Variants in PPP1R12A observed in about 807,000 individuals in gnomAD.
The protein encoded by PPP1R12A is myosin binding subunit.
Under a neutral mutation model 139.6 loss-of-function variants are expected in PPP1R12A, and 19 were observed. The ratio of observed to expected loss-of-function variants is 0.14; its 90% confidence interval spans 0.09 to 0.20. The LOEUF (loss-of-function observed/expected upper bound fraction) is 0.20, where lower values mean the gene tolerates loss of function less well. Among genes scored for constraint, PPP1R12A ranks in the 10% least tolerant of loss-of-function variants. The probability of loss-of-function intolerance (pLI) is 1.00; values close to 1 mark genes in which losing one functional copy is unlikely to be tolerated. For synonymous variants in PPP1R12A, 427 were observed against 420.6 expected (o/e 1.02, Z -0.19); for missense variants, 925 against 1,211.5 (o/e 0.76, Z 3.51).
chr12:79,794,398 T>A (rs1333183449), intron 18 of PPP1R12A, among the ~76,000 whole-genome samples: 1 of 152,018 alleles, frequency 6.6e-6, no homozygotes, highest in Non-Finnish European at 1.5e-5. Flanking sequence ...ATTTAATACT[T>A]TCCCATATTT....
In PPP1R12A at chr12:79,828,349, G is replaced by A; in HGVS notation, c.763C>T (p.Leu255=). 1 of 1,612,386 alleles carries A rather than the reference G, an allele frequency of 6.2e-7. No homozygotes were observed. Among genetic ancestry groups the A allele is most frequent in the African/African-American group, 1.3e-5 (1 of 74,974 alleles). The change falls in exon 5 of 25, where the codon CTG becomes TTG. Residue 255 remains leucine (L), a synonymous_variant. Transcript: ENST00000450142. Reference sequence around the variant, plus strand: ...TTGTTGACCATCTCCATATCACACAGATTGTCCACTAAAATTCGACATGCT... The same window carrying A: ...TTGTTGACCATCTCCATATCACACAAATTGTCCACTAAAATTCGACATGCT... ...EEACRILVDN[L]CDMEMVNKVG...
In PPP1R12A at chr12:79,934,945, G is replaced by A. The variant is rs1191739813; in HGVS notation, c.-14C>T. On this transcript the variant is annotated 5_prime_UTR_variant, in exon 1 of 25. Transcript: ENST00000450142. ...CGCCATCTTCATCCCCTCTCCTGCCGCCGGGTCTTCTTATCGCGAGGGGGG... is the reference window on the plus strand; with the variant it reads ...CGCCATCTTCATCCCCTCTCCTGCCACCGGGTCTTCTTATCGCGAGGGGGG... 1.9e-6 allele frequency: 3 copies of A among 1,573,026 alleles called. No individual in the cohort carries two copies. The highest frequency in any genetic ancestry group is 1.7e-6 in the Non-Finnish European group (2 of 1,157,660).
chr12:79,925,116 T>TC (rs1316267299), intron 1 of PPP1R12A, among the ~76,000 whole-genome samples: 2 of 152,112 alleles, frequency 1.3e-5, no homozygotes, highest in Non-Finnish European at 1.5e-5. Flanking sequence ...GAGCTGAAAC[T>TC]CCAACAGAAA....
intron 3 of PPP1R12A, among the ~76,000 whole-genome samples, chr12:79,834,346 AGTAGTAAG>A (rs1383715245): frequency 2.0e-5 from 3 of 152,204 alleles, no homozygotes; most frequent in Non-Finnish European, 4.4e-5. Context: ...GTCTCTACAG[AGTAGTAAG>A]GACAATGAGC....
chr12:79,822,872 T>G (rs1038587669), intron 5 of PPP1R12A, among the ~76,000 whole-genome samples: 1 of 152,010 alleles, frequency 6.6e-6, no homozygotes, highest in Non-Finnish European at 1.5e-5. Flanking sequence ...TATACAACTT[T>G]TTGTGTGGAC....
chr12:79,904,139 C>G (rs2596797), intron 1 of PPP1R12A, among the ~76,000 whole-genome samples: 1 of 151,534 alleles, frequency 6.6e-6, no homozygotes. Flanking sequence ...CGCTTGAACC[C>G]GGGAGGTGGA....
At position 79,775,923 on chromosome 12, in the gene PPP1R12A, T is replaced by A. The variant is rs1469643840; in HGVS notation, c.*6A>T. The A allele has an allele frequency of 6.4e-7, 1 of 1,559,768 alleles. No individual in the cohort carries two copies. The highest frequency in any genetic ancestry group is 1.4e-5 in the African/African-American group (1 of 73,122). On this transcript the variant is annotated 3_prime_UTR_variant, in exon 25 of 25. Transcript: ENST00000450142. ...GCAATTCCATTACTTGCTGCTTTTT[T>A]TTTTTTTATTTGGAAAGTTTGCTTA...
At chr12:79,789,903 C>T (rs896383420) in intron 20 of PPP1R12A, among the ~76,000 whole-genome samples, 2 of 151,726 alleles carry the variant, frequency 1.3e-5, no homozygotes, top group African/African-American at 4.8e-5. Context: ...ACTCAGCCTC[C>T]CCAGCAGCTA....
intron 2 of PPP1R12A, among the ~76,000 whole-genome samples, chr12:79,867,368 G>T (rs997142726): frequency 3.9e-5 from 6 of 152,094 alleles, no homozygotes; most frequent in Non-Finnish European, 8.8e-5. Flanking sequence ...ACCCAATGTA[G>T]GTGATGGGTT....
At chr12:79,876,962 G>A (rs1282400814) in intron 1 of PPP1R12A, among the ~76,000 whole-genome samples, 3 of 151,978 alleles carry the variant, frequency 2.0e-5, no homozygotes, top group Non-Finnish European at 4.4e-5. Flanking sequence ...AATGAGCCGA[G>A]ATCATGCCAC....
intron 2 of PPP1R12A, among the ~76,000 whole-genome samples, chr12:79,858,641 A>T (rs1880962045): frequency 6.6e-6 from 1 of 152,198 alleles, no homozygotes; most frequent in Non-Finnish European, 1.5e-5. Flanking sequence ...AGGTTCAAGA[A>T]TTTCTGAAAT....
chr12:79,800,121 T>C (rs1986933), intron 14 of PPP1R12A, among the ~76,000 whole-genome samples: 5,892 of 152,288 alleles, frequency 0.039, 436 homozygotes, highest in East Asian at 0.3. Flanking sequence ...CATTAACGCT[T>C]CATCAAATTA....
chr12:79,928,822 A>G (rs1888040628), intron 1 of PPP1R12A, among the ~76,000 whole-genome samples: 1 of 152,246 alleles, frequency 6.6e-6, no homozygotes, highest in Admixed American at 6.5e-5. Context: ...AGAGGATCAC[A>G]TATTTTACAA....
chr12:79,826,353 T>G (rs1876765106), intron 5 of PPP1R12A, among the ~76,000 whole-genome samples: 1 of 148,136 alleles, frequency 6.8e-6, no homozygotes, highest in African/African-American at 2.5e-5. Context: ...TTTTTTTTTT[T>G]TTTTTTGAGC....
At chr12:79,878,489 AT>A (rs1192500157) in intron 1 of PPP1R12A, 3 of 152,142 alleles carry the variant, frequency 2.0e-5, no homozygotes, top group Non-Finnish European at 4.4e-5. Flanking sequence ...CACACAATGT[AT>A]TTTTTAATGC....
At chr12:79,841,302 C>A (rs1168424255) in intron 3 of PPP1R12A, among the ~76,000 whole-genome samples, 1 of 152,176 alleles carries the variant, frequency 6.6e-6, no homozygotes, top group East Asian at 1.9e-4. Flanking sequence ...GCCAAGCCAA[C>A]TCCCTCTAAA....
intron 1 of PPP1R12A, among the ~76,000 whole-genome samples, chr12:79,892,586 G>C (rs1352827212): frequency 6.6e-6 from 1 of 152,028 alleles, no homozygotes; most frequent in Non-Finnish European, 1.5e-5. Flanking sequence ...TTTCTTCGAT[G>C]CTAGTACTTT....
chr12:79,791,217 T>G (rs1871808292), intron 19 of PPP1R12A, among the ~76,000 whole-genome samples: 1 of 152,190 alleles, frequency 6.6e-6, no homozygotes, highest in South Asian at 2.1e-4. Flanking sequence ...AAATAATACA[T>G]CTTACCTTAT....
chr12:79,855,826 A>AT (rs917385456), intron 2 of PPP1R12A, among the ~76,000 whole-genome samples: 15 of 152,068 alleles, frequency 9.9e-5, no homozygotes, highest in African/African-American at 3.4e-4. Context: ...TTATGTTTTC[A>AT]TTTTTTGCAG....
Sources: gnomAD v4.1 joint callset for allele counts (sites outside exome capture counted in the v4.1 genomes callset) on GRCh38, gnomAD v4.1.1 for gene constraint, MANE v1.5 for transcripts, NCBI Gene and HGNC (gene_info 2026-07-23, HGNC 2026-07-21) for gene names.